The following PCDHGB2 variants were observed in gnomAD, a reference collection of about 807,000 sequenced individuals.
PCDHGB2 encodes protocadherin gamma-B2.
Under a neutral mutation model 59.3 loss-of-function variants are expected in PCDHGB2, and 55 were observed. That is an observed-to-expected ratio of 0.93 (90% CI 0.75 to 1.16). The LOEUF (loss-of-function observed/expected upper bound fraction) is 1.16. PCDHGB2 is among the 50% of genes most tolerant of loss of function. The pLI, the probability that PCDHGB2 is intolerant of heterozygous loss-of-function variation, is 0.00. For missense variants in PCDHGB2, 1,228 were observed against 1,198.5 expected (o/e 1.02, Z -0.36); for synonymous variants, 516 against 512.0 (o/e 1.01, Z -0.11).
chr5:141,420,993 C>T (rs956578377), intron 1 of PCDHGB2: 2 of 501,412 alleles, frequency 4.0e-6, no homozygotes, highest in Non-Finnish European at 7.0e-6. Context: ...GGCGCCGCTG[C>T]TCACCAATCA....
At chr5:141,407,360 A>G (rs1024336863) in intron 1 of PCDHGB2, among the ~76,000 whole-genome samples, 1 of 152,232 alleles carries the variant, frequency 6.6e-6, no homozygotes, top group Non-Finnish European at 1.5e-5. Flanking sequence ...GGAAAACATA[A>G]CAGATATCCA....
intron 1 of PCDHGB2, chr5:141,441,448 A>T (rs1415765869): frequency 1.2e-5 from 2 of 161,528 alleles, no homozygotes; most frequent in Non-Finnish European, 2.7e-5. Context: ...CAGCCCAAGC[A>T]TCACCCTACT....
chr5:141,435,838 C>T (rs1037110579), intron 1 of PCDHGB2, among the ~76,000 whole-genome samples: 1 of 152,062 alleles, frequency 6.6e-6, no homozygotes, highest in Non-Finnish European at 1.5e-5. Context: ...TGCCTATCTA[C>T]TTTGAAAGAT....
intron 1 of PCDHGB2, chr5:141,374,414 G>A: frequency 1.9e-6 from 3 of 1,614,026 alleles, no homozygotes; most frequent in Non-Finnish European, 1.7e-6. Context: ...CATCCTTGTC[G>A]AGGATAAACT....
intron 1 of PCDHGB2, among the ~76,000 whole-genome samples, chr5:141,469,403 C>T (rs902543178): frequency 4.6e-5 from 7 of 152,060 alleles, no homozygotes; most frequent in South Asian, 2.1e-4. Context: ...GGTGAAACCC[C>T]GTTTCTACTA....
At chr5:141,427,972 C>T (rs1368719718) in intron 1 of PCDHGB2, 1 of 1,593,948 alleles carries the variant, frequency 6.3e-7, no homozygotes, top group South Asian at 1.1e-5. Flanking sequence ...GTGCTGTACC[C>T]CGCGCTGGGG....
At position 141,491,369 on chromosome 5, in the gene PCDHGB2, CCTTT is replaced by C; in HGVS notation, c.2422-3435_2422-3432del. ...AGTCTCTTATCCCTAGTCACCTTCACCTTTCTGTCAGCGAAGTGCCTTCAGGGAA... is the reference window on the plus strand; with the variant it reads ...AGTCTCTTATCCCTAGTCACCTTCACCTGTCAGCGAAGTGCCTTCAGGGAA... On this transcript the variant is annotated intron_variant, in intron 1 of 3. Transcript: ENST00000522605. The surrounding 1 kb of genome is among the most constrained non-coding windows in gnomAD (Gnocchi z 6.9). 1 of 1,614,110 alleles carries C rather than the reference CCTTT, an allele frequency of 6.2e-7. No individual in the cohort carries two copies. Among genetic ancestry groups the C allele is most frequent in the Non-Finnish European group, 8.5e-7 (1 of 1,179,996 alleles).
intron 1 of PCDHGB2, chr5:141,422,879 T>A: frequency 6.2e-7 from 1 of 1,614,240 alleles, no homozygotes; most frequent in Non-Finnish European, 8.5e-7. Context: ...TCGCTGAGCC[T>A]GTTCGTGCTG....
chr5:141,490,715 C>G lies in PCDHGB2; in HGVS notation c.2422-4092C>G, dbSNP rs757619272. The stretch of plus-strand genomic sequence containing the variant: ...GGGGATAATGCCCGCCTCACCTACT[C>G]CATTGTAGGAAATCAGGTTCAGGGA... On this transcript the variant is annotated intron_variant, in intron 1 of 3. Coordinates refer to ENST00000522605, the MANE Select transcript of PCDHGB2 (RefSeq NM_018923.3). This position sits in a 1 kb window ranked among gnomAD's most constrained non-coding sequence, Gnocchi z 5.4. 14 of 1,614,130 alleles carry G rather than the reference C, an allele frequency of 8.7e-6. No individual in the cohort carries two copies. Among genetic ancestry groups the G allele is most frequent in the Non-Finnish European group, 1.1e-5 (13 of 1,179,978 alleles).
chr5:141,421,766 C>T, intron 1 of PCDHGB2: 2 of 1,613,868 alleles, frequency 1.2e-6, no homozygotes, highest in South Asian at 1.1e-5. Context: ...AATTACTTTT[C>T]CTTGCAACTG....
intron 1 of PCDHGB2, chr5:141,399,551 T>C: frequency 6.2e-7 from 1 of 1,614,052 alleles, no homozygotes; most frequent in Non-Finnish European, 8.5e-7. Context: ...GCCTCGGACC[T>C]GGACTTGGGG....
chr5:141,483,736 G>A (rs1296877404), intron 1 of PCDHGB2, among the ~76,000 whole-genome samples: 1 of 152,110 alleles, frequency 6.6e-6, no homozygotes, highest in Non-Finnish European at 1.5e-5. Flanking sequence ...ATAGTCAAAA[G>A]GATATTCCTG....
chr5:141,391,906 T>C (rs2092441756), intron 1 of PCDHGB2: 2 of 152,218 alleles, frequency 1.3e-5, no homozygotes, highest in Non-Finnish European at 2.9e-5. Flanking sequence ...GCTTTGCTTT[T>C]TATCATATAT....
At chr5:141,389,794 G>A (rs1015982333) in intron 1 of PCDHGB2, 21 of 1,613,396 alleles carry the variant, frequency 1.3e-5, no homozygotes, top group East Asian at 2.2e-5. Flanking sequence ...GACGCCGTCC[G>A]CCAGCGCCTT....
intron 1 of PCDHGB2, among the ~76,000 whole-genome samples, chr5:141,455,902 TA>T (rs2098836291): frequency 6.7e-6 from 1 of 149,860 alleles, no homozygotes. Context: ...TTTATTTATT[TA>T]TTTATTTATT....
At chr5:141,418,802 T>G (rs775155011) in intron 1 of PCDHGB2, 1 of 1,613,862 alleles carries the variant, frequency 6.2e-7, no homozygotes, top group Non-Finnish European at 8.5e-7. Flanking sequence ...AGTAGAAAGA[T>G]ATACGATAAA....
chr5:141,423,626 T>C (rs745796529), intron 1 of PCDHGB2: 1 of 1,606,498 alleles, frequency 6.2e-7, no homozygotes, highest in South Asian at 1.1e-5. Context: ...GACTCAGCTA[T>C]CATTTTAGGC....
chr5:141,400,128 G>T, intron 1 of PCDHGB2: 1 of 1,614,080 alleles, frequency 6.2e-7, no homozygotes, highest in Non-Finnish European at 8.5e-7. Context: ...TGCAGGAGGT[G>T]CTGCCGGATA....
chr5:141,492,501 G>A (rs551410616), intron 1 of PCDHGB2, among the ~76,000 whole-genome samples: 8 of 152,302 alleles, frequency 5.3e-5, no homozygotes, highest in East Asian at 1.9e-4. Flanking sequence ...CGAGGACTCC[G>A]GAGCCTCCTC....
Sources: allele counts gnomAD v4.1 joint callset (sites outside exome capture counted in the v4.1 genomes callset), GRCh38; gene constraint gnomAD v4.1.1; non-coding constraint Gnocchi (gnomAD v3.1); transcripts MANE v1.5; gene names NCBI Gene and HGNC (gene_info 2026-07-23, HGNC 2026-07-21).